Variants in UBR3 observed in about 807,000 individuals in gnomAD.
UBR3 encodes ubiquitin protein ligase E3 component n-recognin 3.
Under a neutral mutation model 243.2 loss-of-function variants are expected in UBR3, and 85 were observed. The observed-to-expected ratio is 0.35, with a 90% CI of 0.29 to 0.42. The LOEUF (loss-of-function observed/expected upper bound fraction) is 0.42. UBR3 is among the 10% of genes least tolerant of loss of function. The pLI is 1.00. For synonymous variants in UBR3, 748 were observed against 799.8 expected (o/e 0.94, Z 1.09); for missense variants, 1,686 against 2,300.8 (o/e 0.73, Z 5.47).
chr2:169,978,970 G>A (rs1482858577), intron 24 of UBR3, among the ~76,000 whole-genome samples: 2 of 152,156 alleles, frequency 1.3e-5, no homozygotes, highest in Non-Finnish European at 2.9e-5. Context: ...TTAAGAGAAT[G>A]AAATGATAAG....
At chr2:170,068,695 A>G (rs1262493675) in intron 35 of UBR3, among the ~76,000 whole-genome samples, 3 of 152,094 alleles carry the variant, frequency 2.0e-5, no homozygotes, top group Non-Finnish European at 4.4e-5. Flanking sequence ...GATCAGTAAA[A>G]CCCAGATGAC....
intron 25 of UBR3, among the ~76,000 whole-genome samples, chr2:169,987,299 A>G (rs1169656932): frequency 6.7e-6 from 1 of 149,674 alleles, no homozygotes; most frequent in Admixed American, 6.7e-5. Context: ...AGCCTGAGGC[A>G]GGAGAATCGC....
At chr2:170,071,217 T>G (rs1303862655) in intron 35 of UBR3, among the ~76,000 whole-genome samples, 2 of 152,220 alleles carry the variant, frequency 1.3e-5, no homozygotes, top group Non-Finnish European at 2.9e-5. Flanking sequence ...GCAGTTCTGC[T>G]AAGTATCAAC....
rs2090784047 is a variant in UBR3 at position 170,034,923 on chromosome 2, G to A, written c.4556+5475G>A. Among the ~76,000 whole-genome samples the A allele has an allele frequency of 4.0e-5, 6 of 150,744 alleles. No homozygotes were observed. The Admixed American group carries it at 4.0e-4, about 10-fold the overall frequency. On this transcript the variant is annotated intron_variant, in intron 31 of 38. Transcript: ENST00000272793. ...AATTTGCATTTCTCTGATGACATAC[G>A]GTCTGGAGCATCTTTTCATATGCTT...
In UBR3 at chr2:169,896,820, A is replaced by G. The variant is rs912364606; in HGVS notation, c.1465+85A>G. On this transcript the variant is annotated intron_variant, in intron 8 of 38. Coordinates refer to ENST00000272793, the MANE Select transcript of UBR3 (RefSeq NM_172070.4). ...TAGTGTACTTCATATACTTAGTAAT[A>G]TTACTAATAATGATACTTAGTATTA... 4.4e-6 allele frequency: 4 copies of G among 898,936 alleles called. No individual in the cohort carries two copies. In the African/African-American group the frequency reaches 6.8e-5, roughly 15 times the overall value. 55.7% of individuals were successfully genotyped at this position (898,936 alleles called of 1,614,324 possible).
At chr2:169,886,948 C>G (rs528420643) in intron 5 of UBR3, among the ~76,000 whole-genome samples, 2 of 152,144 alleles carry the variant, frequency 1.3e-5, no homozygotes, top group African/African-American at 4.8e-5. Flanking sequence ...CCTTCTAGCC[C>G]TGTGTAGTCT....
chr2:169,857,068 T>G (rs1456791753), intron 1 of UBR3, among the ~76,000 whole-genome samples: 2 of 84,602 alleles, frequency 2.4e-5, no homozygotes, highest in African/African-American at 1.2e-4. Flanking sequence ...TATTATGTTT[T>G]TTTTTTTTTT....
intron 26 of UBR3, 87 bp from the exon 27 acceptor site, chr2:170,001,217 T>C (rs772687427): frequency 3.7e-5 from 33 of 900,122 alleles, no homozygotes; most frequent in Non-Finnish European, 5.7e-5. Flanking sequence ...TAGGAAATCA[T>C]GCAGAGGTTT....
chr2:169,899,104 G>A (rs1255183555), intron 8 of UBR3, among the ~76,000 whole-genome samples: 2 of 151,782 alleles, frequency 1.3e-5, no homozygotes, highest in Admixed American at 6.6e-5. Flanking sequence ...TCAGCCTCCC[G>A]AGTAGCTGGG....
rs1297339647 is a variant in UBR3, at chr2:169,949,681, G to A, written c.3161G>A (p.Ser1054Asn). 1 of 1,551,384 alleles carries A rather than the reference G, an allele frequency of 6.4e-7. No individual in the cohort carries two copies. The stretch of plus-strand genomic sequence containing the variant: ...TTTCAGGAAATCATCAATCGCAGTA[G>A]CAGTGAAGCAAATCAGGTGGTTCGT... ...KKFQEIINRS[S>N]SEANQVVRPK... The change falls in exon 23 of 39, where the codon AGC (serine) becomes AAC (asparagine). Residue 1054 changes from serine (S) to asparagine (N), a missense_variant. Around this residue, in one of 8 missense-constraint regions of UBR3, gnomAD observed 300 missense variants for 314.4 expected, o/e 0.95. Coordinates refer to ENST00000272793, the MANE Select transcript of UBR3 (RefSeq NM_172070.4).
chr2:169,864,738 C>T (rs1209784952), intron 1 of UBR3, among the ~76,000 whole-genome samples: 1 of 151,680 alleles, frequency 6.6e-6, no homozygotes, highest in Non-Finnish European at 1.5e-5. Flanking sequence ...CCCGTCTCTA[C>T]TAAAAAAAAT....
chr2:170,048,777 C>A (rs1446847693), intron 32 of UBR3, among the ~76,000 whole-genome samples: 1 of 152,100 alleles, frequency 6.6e-6, no homozygotes, highest in Non-Finnish European at 1.5e-5. Flanking sequence ...AAATTGTATG[C>A]TGAGGTTACT....
chr2:170,059,296 C>T (rs1467326812), intron 33 of UBR3, among the ~76,000 whole-genome samples: 1 of 152,214 alleles, frequency 6.6e-6, no homozygotes, highest in Admixed American at 6.5e-5. Context: ...AGTTATCACT[C>T]AGTGACTTAC....
At chr2:169,902,621 T>G (rs1280519800) in intron 8 of UBR3, among the ~76,000 whole-genome samples, 1 of 152,072 alleles carries the variant, frequency 6.6e-6, no homozygotes, top group East Asian at 1.9e-4. Flanking sequence ...GTCTTTTTTT[T>G]TTTTTTGAGA....
intron 33 of UBR3, among the ~76,000 whole-genome samples, chr2:170,059,789 A>G (rs2091421272): frequency 6.6e-6 from 1 of 152,158 alleles, no homozygotes; most frequent in Non-Finnish European, 1.5e-5. Context: ...CAATTTAAAG[A>G]TAATGCAAAG....
chr2:169,955,981 CT>C (rs1231359326), intron 23 of UBR3, among the ~76,000 whole-genome samples: 1 of 151,602 alleles, frequency 6.6e-6, no homozygotes, highest in African/African-American at 2.4e-5. Flanking sequence ...GTGTGTGTTT[CT>C]TTGTTTGTCT....
At chr2:169,961,552 AC>A (rs888634849) in intron 24 of UBR3, among the ~76,000 whole-genome samples, 1 of 152,014 alleles carries the variant, frequency 6.6e-6, no homozygotes, top group Non-Finnish European at 1.5e-5. Context: ...ACTTTAGTCT[AC>A]TCTCACACTT....
intron 5 of UBR3, among the ~76,000 whole-genome samples, chr2:169,888,109 C>A (rs1222928018): frequency 2.9e-5 from 4 of 138,692 alleles, no homozygotes; most frequent in South Asian, 2.3e-4. Context: ...TGTGTTATGA[C>A]TTTATTTATT....
chr2:170,081,378 T>G (rs2091903402), intron 38 of UBR3, among the ~76,000 whole-genome samples: 1 of 151,770 alleles, frequency 6.6e-6, no homozygotes, highest in South Asian at 2.1e-4. Context: ...CGGGCCCCTA[T>G]AGTCCCAGCT....
Sources: allele counts gnomAD v4.1 joint callset (sites outside exome capture counted in the v4.1 genomes callset), GRCh38; gene constraint gnomAD v4.1.1; regional missense constraint gnomAD v4.1.1; transcripts MANE v1.5; gene names NCBI Gene and HGNC (gene_info 2026-07-23, HGNC 2026-07-21).